OSBPL9: variants seen among roughly 807,000 people sequenced by gnomAD.
The protein encoded by OSBPL9 is oxysterol-binding protein-related protein 9.
Under a neutral mutation model 106.6 loss-of-function variants are expected in OSBPL9, and 40 were observed. The observed-to-expected ratio is 0.38, with a 90% CI of 0.29 to 0.49. The LOEUF is 0.49. Ranked by LOEUF, OSBPL9 falls within the 20% of genes least tolerant of loss-of-function variation. The pLI, the probability that OSBPL9 is intolerant of heterozygous loss-of-function variation, is 0.97. For synonymous variants in OSBPL9, 269 were observed against 295.4 expected (o/e 0.91, Z 0.92); for missense variants, 609 against 887.2 (o/e 0.69, Z 3.98).
At chr1:51,561,781 A>T in the OSBPL9 span, 1 of 152,220 alleles carries the variant, frequency 6.6e-6, no homozygotes, top group Admixed American at 6.5e-5. Context: ...TCTGAGGCTT[A>T]TAAAGACCAA....
intron 3 of OSBPL9, among the ~76,000 whole-genome samples, chr1:51,712,294 C>T (rs939796546): frequency 6.6e-6 from 1 of 152,130 alleles, no homozygotes; most frequent in African/African-American, 2.4e-5. Context: ...CGCAGGCACT[C>T]GGCAGGCTGA....
chr1:51,779,693 G>GA (rs530655628), intron 15 of OSBPL9, among the ~76,000 whole-genome samples: 39 of 149,430 alleles, frequency 2.6e-4, no homozygotes, highest in Non-Finnish European at 4.0e-4. Flanking sequence ...AGATCAGGAA[G>GA]AAAAAAAAAC....
intron 2 of OSBPL9, among the ~76,000 whole-genome samples, chr1:51,610,085 A>G (rs1037573464): frequency 1.8e-4 from 28 of 152,242 alleles, no homozygotes; most frequent in South Asian, 4.1e-4. Context: ...TTCTTGTCAC[A>G]ATACACTGTG....
intron 4 of OSBPL9, among the ~76,000 whole-genome samples, chr1:51,723,882 TTGGA>T (rs1662604136): frequency 6.6e-6 from 1 of 152,346 alleles, no homozygotes; most frequent in East Asian, 1.9e-4. Flanking sequence ...AGTGCCATTG[TTGGA>T]TCATATGGTA....
At chr1:51,744,278 A>G (rs2148995667) in intron 4 of OSBPL9, among the ~76,000 whole-genome samples, 1 of 152,300 alleles carries the variant, frequency 6.6e-6, no homozygotes, top group South Asian at 2.1e-4. Flanking sequence ...TAGAGGTAGT[A>G]GCTGCTGTAC....
At chr1:51,717,623 G>T (rs537329269) in intron 4 of OSBPL9, among the ~76,000 whole-genome samples, 1 of 150,912 alleles carries the variant, frequency 6.6e-6, no homozygotes, top group Admixed American at 6.6e-5. Flanking sequence ...GATCATCAGA[G>T]AAATGCAGAC....
rs1056701604 is a variant in OSBPL9 at position 51,745,458 on chromosome 1, A to G, written c.319-78A>G. The G allele has an allele frequency of 1.2e-5, 19 of 1,542,522 alleles. No individual in the cohort carries two copies. In the African/African-American group the frequency reaches 2.1e-4, roughly 17 times the overall value. On this transcript the variant is annotated intron_variant, in intron 4 of 23. Transcript: ENST00000428468. ...TTTAAAAATTGAAATGTCTTCATGT[A>G]TGAAGGGAAAAGTATTTTTTGTACT...
chr1:51,668,916 G>A (rs1305012885), intron 2 of OSBPL9, among the ~76,000 whole-genome samples: 1 of 152,140 alleles, frequency 6.6e-6, no homozygotes, highest in African/African-American at 2.4e-5. Flanking sequence ...GCTCTTGGAG[G>A]GCAATGTACA....
intron 3 of OSBPL9, among the ~76,000 whole-genome samples, chr1:51,674,491 T>C (rs1382241279): frequency 6.6e-6 from 1 of 152,172 alleles, no homozygotes; most frequent in African/African-American, 2.4e-5. Flanking sequence ...GGACCTCTTA[T>C]GTTTAAGGTG....
At chr1:51,521,581 A>C in the OSBPL9 span, among the ~76,000 whole-genome samples, 1 of 152,168 alleles carries the variant, frequency 6.6e-6, no homozygotes, top group East Asian at 1.9e-4. Context: ...TTAAGTCAAA[A>C]GCACACCTTA....
intron 3 of OSBPL9, among the ~76,000 whole-genome samples, chr1:51,712,445 C>T (rs1660268396): frequency 6.6e-6 from 1 of 151,284 alleles, no homozygotes; most frequent in Non-Finnish European, 1.5e-5. Context: ...GGGAGAGCTA[C>T]TTCTATATTT....
At chr1:51,753,859 C>A (rs965624817) in intron 8 of OSBPL9, among the ~76,000 whole-genome samples, 1 of 152,150 alleles carries the variant, frequency 6.6e-6, no homozygotes, top group African/African-American at 2.4e-5. Context: ...TTCCTGGCTC[C>A]CATCCCTAGA....
intron 1 of OSBPL9, among the ~76,000 whole-genome samples, chr1:51,590,513 G>C (rs1051181213): frequency 1.3e-4 from 19 of 151,238 alleles, no homozygotes; most frequent in East Asian, 5.9e-4. Context: ...CCAGCTACTC[G>C]GGAGGCTGAG....
intron 23 of OSBPL9, 79 bp from the exon 24 acceptor site, chr1:51,787,636 G>A (rs1678014938): frequency 1.9e-6 from 3 of 1,585,830 alleles, no homozygotes; most frequent in Non-Finnish European, 2.6e-6. Context: ...GGCGGGGTGG[G>A]GAGCAGATAT....
At chr1:51,575,355 C>A (rs1460540903), upstream of OSBPL9, among the ~76,000 whole-genome samples, 1 of 150,664 alleles carries the variant, frequency 6.6e-6, no homozygotes, top group Non-Finnish European at 1.5e-5. Flanking sequence ...TGCCCGCCAC[C>A]TCACCCGGCT....
chr1:51,687,213 A>G (rs1464284852), intron 3 of OSBPL9, among the ~76,000 whole-genome samples: 1 of 152,206 alleles, frequency 6.6e-6, no homozygotes, highest in Non-Finnish European at 1.5e-5. Flanking sequence ...CACAAGGGAT[A>G]CAGAACTGAT....
the OSBPL9 span, among the ~76,000 whole-genome samples, chr1:51,548,190 C>T: frequency 6.6e-6 from 1 of 152,094 alleles, no homozygotes; most frequent in African/African-American, 2.4e-5. Context: ...AGTCTATGTG[C>T]AGAATGGGTA....
chr1:51,551,967 A>ATGTGTGTGTGTGTGTGTGTG, the OSBPL9 span, among the ~76,000 whole-genome samples: 1,344 of 145,156 alleles, frequency 9.3e-3, 17 homozygotes, highest in African/African-American at 0.029. Flanking sequence ...GTGAATAGAA[A>ATGTGTGTGTGTGTGTGTGTG]TGTGTGTGTG....
intron 11 of OSBPL9, among the ~76,000 whole-genome samples, chr1:51,764,911 A>G (rs1006013194): frequency 2.6e-5 from 4 of 152,124 alleles, no homozygotes; most frequent in Admixed American, 6.6e-5. Context: ...GCTGTCTTCA[A>G]TTTCTTCCAG....
Sources: gnomAD v4.1 joint callset for allele counts (sites outside exome capture counted in the v4.1 genomes callset) on GRCh38, gnomAD v4.1.1 for gene constraint, MANE v1.5 for transcripts, NCBI Gene and HGNC (gene_info 2026-07-23, HGNC 2026-07-21) for gene names.